MCTP1: variants seen among roughly 807,000 people sequenced by gnomAD.
MCTP1 encodes multiple C2 and transmembrane domain-containing protein 1.
In MCTP1, 69 loss-of-function variants were observed where a neutral mutation model predicts 120.6. The ratio of observed to expected loss-of-function variants is 0.57; its 90% CI spans 0.47 to 0.70. The LOEUF (loss-of-function observed/expected upper bound fraction) is 0.70. MCTP1 is among the 30% of genes least tolerant of loss of function. The pLI, the probability that MCTP1 is intolerant of heterozygous loss-of-function variation, is 0.00. For synonymous variants in MCTP1, 529 were observed against 493.1 expected (o/e 1.07, Z -0.96); for missense variants, 1,203 against 1,248.8 (o/e 0.96, Z 0.55).
intron 2 of MCTP1, among the ~76,000 whole-genome samples, chr5:94,997,989 G>A (rs1241251026): frequency 6.6e-6 from 1 of 152,062 alleles, no homozygotes; most frequent in Non-Finnish European, 1.5e-5. Context: ...ATAAATGACT[G>A]GTAGTTCAGT....
intron 3 of MCTP1, among the ~76,000 whole-genome samples, chr5:94,948,284 A>G (rs994933932): frequency 2.6e-5 from 4 of 152,156 alleles, no homozygotes; most frequent in African/African-American, 9.7e-5. Context: ...GGGTTACATG[A>G]GATGATATTG....
At chr5:95,210,472 T>C (rs1490277113) in intron 1 of MCTP1, among the ~76,000 whole-genome samples, 1 of 150,456 alleles carries the variant, frequency 6.6e-6, no homozygotes, top group Non-Finnish European at 1.5e-5. Context: ...TTAAAGTCTG[T>C]TTTATCAGAG....
rs112369078 is a variant in MCTP1, at chr5:95,269,929, T to C, written c.720+13927A>G. On this transcript the variant is annotated intron_variant, in intron 1 of 22. Transcript: ENST00000515393. ...AAATGTTTCTTTGAGATGCTGTACATAGAATGCCTAAGAGATAGATATATT... is the reference window on the plus strand; with the variant it reads ...AAATGTTTCTTTGAGATGCTGTACACAGAATGCCTAAGAGATAGATATATT... 7.3e-3 allele frequency among the ~76,000 whole-genome samples: 1,113 copies of C among 152,296 alleles called. 8 individuals are homozygous for C. The highest frequency in any genetic ancestry group is 0.026 in the African/African-American group (1,069 of 41,562).
chr5:94,980,088 T>C (rs1413671647), intron 2 of MCTP1, among the ~76,000 whole-genome samples: 2 of 152,154 alleles, frequency 1.3e-5, no homozygotes, highest in East Asian at 1.9e-4. Flanking sequence ...ACTAAACATA[T>C]AGTTTTAGGA....
rs192251365 is a variant in MCTP1, at chr5:95,255,923, C to T, written c.720+27933G>A. Reference sequence around the variant, plus strand: ...GCACTGCACCAGGCAGAAGTTCGGTCATAAACAAGCACAACGGAAGTGTTC... The same window carrying T: ...GCACTGCACCAGGCAGAAGTTCGGTTATAAACAAGCACAACGGAAGTGTTC... On this transcript the variant is annotated intron_variant, in intron 1 of 22. Transcript: ENST00000515393. Among the ~76,000 whole-genome samples the T allele has an allele frequency of 8.7e-4, 132 of 152,204 alleles. 1 individual carries two copies. The highest frequency in any genetic ancestry group is 8.6e-3 in the Admixed American group (131 of 15,280).
chr5:94,974,721 T>C (rs1827696732), intron 2 of MCTP1, among the ~76,000 whole-genome samples: 1 of 151,850 alleles, frequency 6.6e-6, no homozygotes, highest in Non-Finnish European at 1.5e-5. Flanking sequence ...ATAGAATATA[T>C]GCATGAAAAA....
intron 1 of MCTP1, among the ~76,000 whole-genome samples, chr5:95,204,509 C>T (rs1751411794): frequency 6.6e-6 from 1 of 152,158 alleles, no homozygotes; most frequent in Admixed American, 6.5e-5. Flanking sequence ...CAACACTGCA[C>T]TAGAGATTCT....
intron 1 of MCTP1, among the ~76,000 whole-genome samples, chr5:95,170,285 A>G (rs1311115073): frequency 6.6e-6 from 1 of 152,156 alleles, no homozygotes; most frequent in Non-Finnish European, 1.5e-5. Flanking sequence ...ACAGTTTGTT[A>G]TAATTTCTGT....
In MCTP1 at chr5:94,917,957, G is replaced by T. The variant is rs547748941; in HGVS notation, c.1289C>A (p.Ala430Asp). The T allele has an allele frequency of 6.2e-7, 1 of 1,613,820 alleles. No homozygotes were observed. The highest frequency in any genetic ancestry group is 1.3e-5 in the African/African-American group (1 of 75,038). The change falls in exon 8 of 23, where the codon GCT (alanine) becomes GAT (aspartate). Residue 430 changes from alanine to aspartate, a missense_variant. Around this residue, in one of 2 missense-constraint regions of MCTP1, gnomAD observed 740 missense variants for 871.1 expected, o/e 0.85. Coordinates refer to ENST00000515393, the MANE Select transcript of MCTP1 (RefSeq NM_024717.7). ...SLFWRTCGRP[A>D]LPVLGFCRAE... is the part of the protein sequence containing the mutation. Reference sequence around the variant, plus strand: ...TCTGCAGAAGCCCAGGACAGGAAGAGCTGGCCTGCCGCACGTCTGGATGGA... The same window carrying T: ...TCTGCAGAAGCCCAGGACAGGAAGATCTGGCCTGCCGCACGTCTGGATGGA...
intron 1 of MCTP1, among the ~76,000 whole-genome samples, chr5:95,193,238 T>G (rs1328957852): frequency 6.6e-6 from 1 of 152,162 alleles, no homozygotes; most frequent in African/African-American, 2.4e-5. Flanking sequence ...TTACATCTAC[T>G]TCAAGGCTTT....
chr5:95,239,596 C>A (rs1052755527), intron 1 of MCTP1, among the ~76,000 whole-genome samples: 4 of 152,066 alleles, frequency 2.6e-5, no homozygotes, highest in African/African-American at 7.2e-5. Flanking sequence ...CAGAGGCTAC[C>A]TGGCTTGGGT....
intron 19 of MCTP1, among the ~76,000 whole-genome samples, chr5:94,765,261 A>G (rs1008187501): frequency 2.0e-5 from 3 of 152,226 alleles, no homozygotes; most frequent in African/African-American, 7.2e-5. Flanking sequence ...TACGAGGGCC[A>G]TTTATAGAAA....
intron 19 of MCTP1, among the ~76,000 whole-genome samples, chr5:94,746,259 G>GC (rs1413994925): frequency 6.6e-6 from 1 of 152,238 alleles, no homozygotes; most frequent in East Asian, 1.9e-4. Flanking sequence ...CTTGACTGGA[G>GC]CCCTTTCTGC....
chr5:95,164,878 GC>G (rs1746145053), intron 1 of MCTP1, among the ~76,000 whole-genome samples: 1 of 152,108 alleles, frequency 6.6e-6, no homozygotes, highest in Non-Finnish European at 1.5e-5. Flanking sequence ...GTGGAAGACG[GC>G]TTTTCTCTAA....
chr5:95,135,008 A>C (rs1315273579), intron 1 of MCTP1, among the ~76,000 whole-genome samples: 2 of 139,252 alleles, frequency 1.4e-5, no homozygotes, highest in Non-Finnish European at 3.0e-5. Flanking sequence ...AAAAAAAAAA[A>C]AAAAAAAAAA....
chr5:95,064,818 T>C (rs918010977), intron 1 of MCTP1, among the ~76,000 whole-genome samples: 1 of 152,384 alleles, frequency 6.6e-6, no homozygotes, highest in Middle Eastern at 3.4e-3. Context: ...TTTACAGAGT[T>C]AATAAAGTAT....
At chr5:95,007,092 C>T (rs940371087) in intron 2 of MCTP1, among the ~76,000 whole-genome samples, 1 of 152,130 alleles carries the variant, frequency 6.6e-6, no homozygotes, top group African/African-American at 2.4e-5. Context: ...CCTCCTTCTT[C>T]ACATGGTGGC....
chr5:95,212,062 A>C (rs532467274), intron 1 of MCTP1, among the ~76,000 whole-genome samples: 367 of 152,312 alleles, frequency 2.4e-3, no homozygotes, highest in African/African-American at 8.6e-3. Context: ...CCTTCAAAAA[A>C]TTAATGAATC....
rs1461891403 is a variant in MCTP1 at position 94,707,387 on chromosome 5, A to C, written c.*109T>G. The stretch of plus-strand genomic sequence containing the variant: ...TTTACAGATTCTCTCGATCATGATA[A>C]AAAGGCAAAATAAATAAAAAGCAGA... On this transcript the variant is annotated 3_prime_UTR_variant, in exon 23 of 23. Coordinates refer to ENST00000515393, the MANE Select transcript of MCTP1 (RefSeq NM_024717.7). 2 of 829,518 alleles carry C rather than the reference A, an allele frequency of 2.4e-6. No individual in the cohort carries two copies. The highest frequency in any genetic ancestry group is 3.9e-6 in the Non-Finnish European group (2 of 511,690). The allele number at this position is 829,518 out of a possible 1,614,324, so 51.4% of individuals were successfully genotyped here. A position where few individuals can be genotyped will look rare whatever the true frequency, so the allele number is the denominator to read the frequency against.
Sources: allele counts gnomAD v4.1 joint callset (sites outside exome capture counted in the v4.1 genomes callset), GRCh38; gene constraint gnomAD v4.1.1; regional missense constraint gnomAD v4.1.1; transcripts MANE v1.5; gene names NCBI Gene and HGNC (gene_info 2026-07-23, HGNC 2026-07-21).